The following RAB38 variants were observed in gnomAD, a reference collection of about 807,000 sequenced individuals.
The protein encoded by RAB38 is ras-related protein Rab-38.
Under a neutral mutation model 18.4 loss-of-function variants are expected in RAB38, and 15 were observed. The ratio of observed to expected loss-of-function variants is 0.82; its 90% CI spans 0.55 to 1.26. The LOEUF (loss-of-function observed/expected upper bound fraction) is 1.26, where lower values mean the gene tolerates loss of function less well. RAB38 is among the 50% of genes most tolerant of loss of function. RAB38 has a pLI of 0.00. For missense variants in RAB38, 294 were observed against 267.4 expected (o/e 1.10, Z -0.69); for synonymous variants, 101 against 104.4 (o/e 0.97, Z 0.20).
the RAB38 span, among the ~76,000 whole-genome samples, chr11:87,924,215 A>G: frequency 6.6e-6 from 1 of 151,992 alleles, no homozygotes; most frequent in Non-Finnish European, 1.5e-5. Flanking sequence ...AAGTAATGGA[A>G]TCTGTATTTG....
chr11:88,123,307 TA>T (rs1364733224), intron 2 of RAB38, among the ~76,000 whole-genome samples: 101 of 152,250 alleles, frequency 6.6e-4, no homozygotes, highest in African/African-American at 2.1e-3. Context: ...CTACAAACAG[TA>T]GGCACTCAGA....
chr11:87,952,970 A>ACAT, the RAB38 span, among the ~76,000 whole-genome samples: 1 of 152,142 alleles, frequency 6.6e-6, no homozygotes, highest in Non-Finnish European at 1.5e-5. Context: ...TTAATTTTAA[A>ACAT]ACATTTAAAC....
the RAB38 span, among the ~76,000 whole-genome samples, chr11:87,944,690 T>C: frequency 1.3e-5 from 2 of 152,180 alleles, no homozygotes; most frequent in African/African-American, 2.4e-5. Flanking sequence ...ATACCTTCCA[T>C]GAAATGGAGG....
the RAB38 span, among the ~76,000 whole-genome samples, chr11:87,926,617 T>C: frequency 6.6e-6 from 1 of 152,008 alleles, no homozygotes; most frequent in Non-Finnish European, 1.5e-5. Context: ...AGTTGCTATG[T>C]CATTGTAGAT....
chr11:88,004,843 C>A, the RAB38 span, among the ~76,000 whole-genome samples: 1 of 151,248 alleles, frequency 6.6e-6, no homozygotes, highest in Non-Finnish European at 1.5e-5. Context: ...TATATTCCTG[C>A]ACCAAACAAT....
At chr11:87,807,054 C>T in the RAB38 span, among the ~76,000 whole-genome samples, 1 of 152,238 alleles carries the variant, frequency 6.6e-6, no homozygotes, top group East Asian at 1.9e-4. Context: ...ATTAGATTCT[C>T]ATAGGAGCGC....
At chr11:87,858,172 G>A in the RAB38 span, among the ~76,000 whole-genome samples, 1 of 152,126 alleles carries the variant, frequency 6.6e-6, no homozygotes, top group African/African-American at 2.4e-5. Context: ...TCAGATGGTT[G>A]TAGGTGTGTC....
At chr11:87,826,029 A>G in the RAB38 span, among the ~76,000 whole-genome samples, 1 of 152,122 alleles carries the variant, frequency 6.6e-6, no homozygotes, top group South Asian at 2.1e-4. Flanking sequence ...ATATTGGGAA[A>G]TTGGGTAGTA....
the RAB38 span, among the ~76,000 whole-genome samples, chr11:87,932,997 C>T: frequency 6.6e-6 from 1 of 152,018 alleles, no homozygotes; most frequent in African/African-American, 2.4e-5. Flanking sequence ...TTCTGAAGAG[C>T]CCTATCAATG....
At chr11:87,853,120 G>A in the RAB38 span, among the ~76,000 whole-genome samples, 152 of 152,262 alleles carry the variant, frequency 1.0e-3, no homozygotes, top group African/African-American at 3.5e-3. Flanking sequence ...TAAAAGAGAG[G>A]ATATGGTCAG....
chr11:87,975,312 C>G, the RAB38 span, among the ~76,000 whole-genome samples: 1 of 151,870 alleles, frequency 6.6e-6, no homozygotes, highest in Non-Finnish European at 1.5e-5. Flanking sequence ...TACGACTCAG[C>G]CCACTACAAT....
downstream of RAB38, among the ~76,000 whole-genome samples, chr11:88,109,252 C>A (rs960571785): frequency 6.6e-6 from 1 of 152,078 alleles, no homozygotes; most frequent in African/African-American, 2.4e-5. Context: ...ACAAATCTGA[C>A]AAAAACAAGC....
At chr11:87,844,309 T>A in the RAB38 span, among the ~76,000 whole-genome samples, 2 of 152,218 alleles carry the variant, frequency 1.3e-5, no homozygotes, top group East Asian at 1.9e-4. Context: ...AGAATGCCAT[T>A]ATTTCAAGTT....
the RAB38 span, among the ~76,000 whole-genome samples, chr11:88,094,060 G>A: frequency 4.6e-5 from 7 of 151,826 alleles, no homozygotes; most frequent in Non-Finnish European, 1.0e-4. Flanking sequence ...TCCCTGGGCA[G>A]AATCTTCATT....
the RAB38 span, among the ~76,000 whole-genome samples, chr11:87,942,126 T>G: frequency 6.6e-6 from 1 of 152,326 alleles, no homozygotes; most frequent in East Asian, 1.9e-4. Context: ...TCTGATGGTT[T>G]TGCTCACCAT....
At chr11:88,167,781 C>G (rs1943262943) in intron 1 of RAB38, 1 of 152,120 alleles carries the variant, frequency 6.6e-6, no homozygotes, top group South Asian at 2.1e-4. Flanking sequence ...GCTAGAGTCT[C>G]AGACTTGACC....
chr11:87,844,276 T>C, the RAB38 span, among the ~76,000 whole-genome samples: 4 of 152,202 alleles, frequency 2.6e-5, no homozygotes, highest in African/African-American at 9.6e-5. Flanking sequence ...CATTTAGAAC[T>C]CAAGGTTTTT....
chr11:88,097,652 G>C, the RAB38 span, among the ~76,000 whole-genome samples: 1 of 151,738 alleles, frequency 6.6e-6, no homozygotes, highest in African/African-American at 2.4e-5. Context: ...GAAAGAATTC[G>C]AGTTCCTTCA....
the RAB38 span, among the ~76,000 whole-genome samples, chr11:88,032,450 A>G: frequency 1.3e-5 from 2 of 152,224 alleles, no homozygotes; most frequent in Admixed American, 6.5e-5. Context: ...GGCAACCTAC[A>G]AAATGGGAGA....
Sources: gnomAD v4.1 joint callset for allele counts (sites outside exome capture counted in the v4.1 genomes callset) on GRCh38, gnomAD v4.1.1 for gene constraint, MANE v1.5 for transcripts, NCBI Gene and HGNC (gene_info 2026-07-23, HGNC 2026-07-21) for gene names.